Variants in SLC11A2 observed in about 807,000 individuals in gnomAD.
SLC11A2 encodes natural resistance-associated macrophage protein 2.
In SLC11A2, 38 loss-of-function variants were observed where a neutral mutation model predicts 68.0. The ratio of observed to expected loss-of-function variants is 0.56; its 90% CI spans 0.43 to 0.73. SLC11A2 has a LOEUF of 0.73. Among genes scored for constraint, SLC11A2 ranks in the 30% least tolerant of loss-of-function variants. The probability of loss-of-function intolerance (pLI) is 0.00; values close to 1 mark genes in which losing one functional copy is unlikely to be tolerated. For missense variants in SLC11A2, 517 were observed against 690.5 expected, an observed-to-expected ratio of 0.75 and a Z score of 2.82; for synonymous variants, 242 against 250.6, an observed-to-expected ratio of 0.97 and a Z score of 0.32.
chr12:50,978,700 GA>G (rs1405976972), downstream of SLC11A2, among the ~76,000 whole-genome samples: 1 of 152,032 alleles, frequency 6.6e-6, no homozygotes, highest in African/African-American at 2.4e-5. Context: ...TGCAGGATGT[GA>G]ATTTACCCAC....
the SLC11A2 span, among the ~76,000 whole-genome samples, chr12:50,958,305 G>C: frequency 2.8e-5 from 4 of 143,194 alleles, no homozygotes; most frequent in Non-Finnish European, 6.0e-5. Flanking sequence ...TTTTTTAGAC[G>C]GAGTCTTGCT....
upstream of SLC11A2, chr12:51,026,386 G>A (rs920922103): frequency 8.6e-6 from 11 of 1,273,260 alleles, no homozygotes; most frequent in East Asian, 4.5e-4. Flanking sequence ...CGCCACGCTG[G>A]CTAACGCCCT....
At chr12:50,968,152 A>G in the SLC11A2 span, among the ~76,000 whole-genome samples, 1 of 151,400 alleles carries the variant, frequency 6.6e-6, no homozygotes, top group Non-Finnish European at 1.5e-5. Flanking sequence ...AGGAGAAGGG[A>G]TTTATTACAG....
intron 15 of SLC11A2, 84 bp from the exon 16 acceptor site, chr12:50,988,519 G>A: frequency 6.3e-7 from 1 of 1,590,680 alleles, no homozygotes; most frequent in Non-Finnish European, 8.5e-7. Context: ...ATGCAAACCT[G>A]CTCCCTTCCT....
downstream of SLC11A2, among the ~76,000 whole-genome samples, chr12:50,983,576 AC>A (rs1386858266): frequency 6.6e-6 from 1 of 152,030 alleles, no homozygotes; most frequent in Non-Finnish European, 1.5e-5. Flanking sequence ...AGTGGCTCAC[AC>A]CTGTAATCCC....
At chr12:50,961,165 T>G in the SLC11A2 span, 1 of 1,508,426 alleles carries the variant, frequency 6.6e-7, no homozygotes, top group Non-Finnish European at 9.1e-7. Context: ...TTTATTTTAT[T>G]CATTCATAGT....
At chr12:50,954,067 T>C in the SLC11A2 span, 1 of 1,611,900 alleles carries the variant, frequency 6.2e-7, no homozygotes, top group African/African-American at 1.3e-5. Flanking sequence ...TCAGGAAATC[T>C]AGAGACTCCC....
upstream of SLC11A2, chr12:51,028,194 G>A (rs1944464094): frequency 6.5e-7 from 1 of 1,535,416 alleles, no homozygotes; most frequent in Non-Finnish European, 8.7e-7. Flanking sequence ...ACAGTGTGGA[G>A]CTGCCTCCGT....
At chr12:50,968,906 T>C in the SLC11A2 span, among the ~76,000 whole-genome samples, 1 of 152,044 alleles carries the variant, frequency 6.6e-6, no homozygotes, top group African/African-American at 2.4e-5. Context: ...CTCTAACTCC[T>C]GGCCTCAAGT....
intron 11 of SLC11A2, among the ~76,000 whole-genome samples, chr12:50,994,326 C>T (rs1034160884): frequency 6.6e-6 from 1 of 152,224 alleles, no homozygotes; most frequent in Admixed American, 6.5e-5. Flanking sequence ...GGATTACAGG[C>T]GTGAACCACC....
the SLC11A2 span, among the ~76,000 whole-genome samples, chr12:50,971,134 C>T: frequency 6.6e-6 from 1 of 152,188 alleles, no homozygotes; most frequent in South Asian, 2.1e-4. Context: ...CCCACATTGG[C>T]TTCCCAAAGT....
chr12:50,984,117 C>A (rs565962894), downstream of SLC11A2, among the ~76,000 whole-genome samples: 2 of 150,732 alleles, frequency 1.3e-5, no homozygotes. Context: ...TGACAAAGCT[C>A]GACTCCATCT....
chr12:50,995,707 G>C lies in SLC11A2; in HGVS notation c.912C>G (p.Leu304=), dbSNP rs1311090629. The C allele has an allele frequency of 1.9e-5, 31 of 1,614,102 alleles. No homozygotes were observed. The highest frequency in any genetic ancestry group is 2.5e-5 in the Non-Finnish European group (30 of 1,179,970). The change falls in exon 10 of 16, where the codon CTC becomes CTG. Residue 304 remains leucine (L), a synonymous_variant. Coordinates refer to ENST00000262052, the MANE Select transcript of SLC11A2 (RefSeq NM_000617.3). Reference sequence around the variant, plus strand: ...AGACATTGATGATGAAGGAAACAAAGAGTGCAATGCAGGATTCAATGAAAA... The same window carrying C: ...AGACATTGATGATGAAGGAAACAAACAGTGCAATGCAGGATTCAATGAAAA... ...KYFFIESCIA[L]FVSFIINVFV...
the SLC11A2 span, among the ~76,000 whole-genome samples, chr12:50,962,714 T>A: frequency 1.7e-4 from 25 of 151,492 alleles, no homozygotes; most frequent in Middle Eastern, 3.4e-3. Flanking sequence ...GAAAAAAAAA[T>A]TTTTTTGCTA....
In SLC11A2 at chr12:50,986,202, A is replaced by G; in HGVS notation, c.*2123T>C. 5.5e-6 allele frequency: 7 copies of G among 1,283,866 alleles called. No homozygotes were observed. Among genetic ancestry groups the G allele is most frequent in the Non-Finnish European group, 7.1e-6 (7 of 985,692 alleles). 79.5% of individuals were successfully genotyped at this position (1,283,866 alleles called of 1,614,324 possible). ...GAAGAACAAGAACCAATTTATATAA[A>G]GTACAATTGTATATCCTTAAACATT... On this transcript the variant is annotated 3_prime_UTR_variant, in exon 16 of 16. Transcript: ENST00000262052.
intron 2 of SLC11A2, among the ~76,000 whole-genome samples, 179 bp from the exon 3 acceptor site, chr12:51,008,803 A>G (rs945191976): frequency 3.3e-5 from 5 of 152,166 alleles, no homozygotes; most frequent in African/African-American, 1.2e-4. Context: ...TAAGTAATAC[A>G]TTCACATGGT....
chr12:51,028,173 T>TA, upstream of SLC11A2: 1 of 1,530,806 alleles, frequency 6.5e-7, no homozygotes, highest in East Asian at 2.4e-5. Context: ...CCTGGGCTAC[T>TA]TACTTAGTTC....
intron 2 of SLC11A2, chr12:51,009,396 A>C (rs1478098693): frequency 1.2e-6 from 1 of 860,706 alleles, no homozygotes; most frequent in African/African-American, 1.7e-5. Flanking sequence ...GGTCTGGGAG[A>C]AAAGGGATAC....
At chr12:50,981,500 G>A, downstream of SLC11A2, 1 of 451,690 alleles carries the variant, frequency 2.2e-6, no homozygotes, top group African/African-American at 2.0e-5. Flanking sequence ...GCCATCAGAG[G>A]CCAATCGTTT....
Sources: gnomAD v4.1 joint callset for allele counts (sites outside exome capture counted in the v4.1 genomes callset) on GRCh38, gnomAD v4.1.1 for gene constraint, MANE v1.5 for transcripts, NCBI Gene and HGNC (gene_info 2026-07-23, HGNC 2026-07-21) for gene names.